CRIM1: variants seen among roughly 807,000 people sequenced by gnomAD.
CRIM1 encodes the protein cysteine rich transmembrane BMP regulator 1.
In CRIM1, 32 loss-of-function variants were observed where a neutral mutation model predicts 116.4. The ratio of observed to expected loss-of-function variants is 0.27; its 90% CI spans 0.21 to 0.37. The LOEUF (loss-of-function observed/expected upper bound fraction) is 0.37, where lower values mean the gene tolerates loss of function less well. Ranked by LOEUF, CRIM1 falls within the 10% of genes least tolerant of loss-of-function variation. The pLI is 1.00. For synonymous variants in CRIM1, 590 were observed against 509.2 expected (o/e 1.16, Z -2.13); for missense variants, 1,331 against 1,354.8 (o/e 0.98, Z 0.28).
intron 2 of CRIM1, among the ~76,000 whole-genome samples, chr2:36,422,449 T>C (rs1448693714): frequency 6.6e-6 from 1 of 152,208 alleles, no homozygotes; most frequent in Non-Finnish European, 1.5e-5. Context: ...AAATCCTGAA[T>C]ATCCAAGATT....
intron 6 of CRIM1, among the ~76,000 whole-genome samples, chr2:36,477,591 G>A (rs1318318773): frequency 1.6e-4 from 25 of 152,198 alleles, no homozygotes; most frequent in Admixed American, 1.4e-3. Flanking sequence ...TTCACATGGG[G>A]TCGTGGTATC....
intron 1 of CRIM1, among the ~76,000 whole-genome samples, chr2:36,357,878 C>G (rs1288592358): frequency 2.0e-5 from 3 of 152,152 alleles, no homozygotes; most frequent in African/African-American, 7.2e-5. Flanking sequence ...TGCTGGGATA[C>G]TGAAAAAGGA....
chr2:36,548,821 C>T lies in CRIM1; in HGVS notation c.*120C>T, dbSNP rs1026605875. ...TATTGGATTGTGACTTGATGTACAGCGCTAAGACCTTACTGGGATGGGCTC... is the reference window on the plus strand; with the variant it reads ...TATTGGATTGTGACTTGATGTACAGTGCTAAGACCTTACTGGGATGGGCTC... On this transcript the variant is annotated 3_prime_UTR_variant, in exon 17 of 17. Coordinates refer to ENST00000280527, the MANE Select transcript of CRIM1 (RefSeq NM_016441.3). 1.7e-4 allele frequency: 128 copies of T among 756,664 alleles called. No individual in the cohort carries two copies. The highest frequency in any genetic ancestry group is 3.1e-4 in the South Asian group (14 of 45,332). 46.9% of individuals were successfully genotyped at this position (756,664 alleles called of 1,614,324 possible).
At chr2:36,469,143 C>G (rs1455124449) in intron 5 of CRIM1, among the ~76,000 whole-genome samples, 1 of 152,104 alleles carries the variant, frequency 6.6e-6, no homozygotes, top group Non-Finnish European at 1.5e-5. Context: ...CTAAACAAGT[C>G]ATCAGCACAA....
chr2:36,450,873 G>A (rs1676662308), intron 4 of CRIM1, among the ~76,000 whole-genome samples: 14 of 152,154 alleles, frequency 9.2e-5, no homozygotes, highest in Admixed American at 9.2e-4. Context: ...TAGAATCTTA[G>A]CAGATTGCTA....
intron 15 of CRIM1, among the ~76,000 whole-genome samples, chr2:36,546,516 TAATTA>T (rs1000971078): frequency 1.3e-5 from 2 of 152,172 alleles, no homozygotes; most frequent in African/African-American, 4.8e-5. Context: ...AGTTTTAATC[TAATTA>T]GTCTTAGCTA....
rs79112337 is a variant in CRIM1, at chr2:36,498,075, C to G, written c.1373-1144C>G. On this transcript the variant is annotated intron_variant, in intron 7 of 16. Transcript: ENST00000280527. ...AATGTAGGTAGAGACATTCTATACTCAGCTCTTTCACAAAGATATTGTGAG... is the reference window on the plus strand; with the variant it reads ...AATGTAGGTAGAGACATTCTATACTGAGCTCTTTCACAAAGATATTGTGAG... Among the ~76,000 whole-genome samples the G allele has an allele frequency of 9.6e-3, 1,469 of 152,312 alleles. 23 individuals are homozygous for G. Among genetic ancestry groups the G allele is most frequent in the African/African-American group, 0.034 (1,413 of 41,558 alleles).
intron 1 of CRIM1, among the ~76,000 whole-genome samples, chr2:36,357,325 G>C (rs959038324): frequency 1.3e-5 from 2 of 152,172 alleles, no homozygotes; most frequent in East Asian, 3.9e-4. Context: ...AAAAGTTGTT[G>C]CTATTAGTGG....
intron 13 of CRIM1, among the ~76,000 whole-genome samples, chr2:36,528,249 T>G (rs1285061315): frequency 1.3e-5 from 2 of 152,208 alleles, no homozygotes; most frequent in African/African-American, 4.8e-5. Context: ...GGATATAACA[T>G]CTCAGTGATG....
intron 1 of CRIM1, among the ~76,000 whole-genome samples, chr2:36,368,128 A>T (rs3770955): frequency 0.58 from 88,864 of 152,060 alleles, 26,531 homozygotes; most frequent in South Asian, 0.66. Flanking sequence ...CTTGCCAGGG[A>T]GTTTCCTTAA....
intron 1 of CRIM1, among the ~76,000 whole-genome samples, chr2:36,390,918 T>G (rs1014306121): frequency 3.3e-5 from 5 of 151,774 alleles, no homozygotes; most frequent in African/African-American, 1.2e-4. Context: ...CAAGCAATTC[T>G]CATGCCTCAG....
intron 6 of CRIM1, 23 bp from the exon 7 acceptor site, chr2:36,479,474 T>C (rs751885910): frequency 1.1e-5 from 18 of 1,612,354 alleles, no homozygotes; most frequent in Non-Finnish European, 1.4e-5. Context: ...TCAGTCTAAC[T>C]CTGAACTCAT....
intron 11 of CRIM1, among the ~76,000 whole-genome samples, chr2:36,516,036 T>G (rs1273402333): frequency 6.6e-6 from 1 of 152,246 alleles, no homozygotes; most frequent in Admixed American, 6.5e-5. Flanking sequence ...AAGCATTGAT[T>G]GATGAGTATC....
At chr2:36,444,252 A>G (rs1676078526) in intron 4 of CRIM1, among the ~76,000 whole-genome samples, 1 of 152,042 alleles carries the variant, frequency 6.6e-6, no homozygotes. Context: ...TTTTTCAGTC[A>G]CTCTAGGGGG....
At chr2:36,466,918 T>G (rs564058395) in intron 5 of CRIM1, among the ~76,000 whole-genome samples, 1 of 152,306 alleles carries the variant, frequency 6.6e-6, no homozygotes, top group East Asian at 1.9e-4. Flanking sequence ...GCCCTTCTTC[T>G]CTCCTTGCTT....
intron 12 of CRIM1, among the ~76,000 whole-genome samples, chr2:36,521,802 A>G (rs1291797950): frequency 6.6e-6 from 1 of 152,236 alleles, no homozygotes; most frequent in East Asian, 1.9e-4. Context: ...ATGCATTGTA[A>G]TCCAAGTCCT....
chr2:36,433,484 C>T (rs1206302758), intron 2 of CRIM1, among the ~76,000 whole-genome samples: 2 of 152,138 alleles, frequency 1.3e-5, no homozygotes, highest in Non-Finnish European at 2.9e-5. Flanking sequence ...TTGGAACATG[C>T]CCTTGGCGAA....
intron 2 of CRIM1, among the ~76,000 whole-genome samples, chr2:36,409,968 GAAT>G (rs1462469829): frequency 1.3e-5 from 2 of 152,214 alleles, no homozygotes; most frequent in Non-Finnish European, 2.9e-5. Context: ...TCTAAGATAA[GAAT>G]AATGGATTCC....
intron 1 of CRIM1, among the ~76,000 whole-genome samples, chr2:36,383,336 T>G (rs1670931475): frequency 6.6e-6 from 1 of 152,268 alleles, no homozygotes; most frequent in African/African-American, 2.4e-5. Context: ...GAAAGTTACC[T>G]GCTTCCTAGT....
Sources: gnomAD v4.1 joint callset for allele counts (sites outside exome capture counted in the v4.1 genomes callset) on GRCh38, gnomAD v4.1.1 for gene constraint, MANE v1.5 for transcripts, NCBI Gene and HGNC (gene_info 2026-07-23, HGNC 2026-07-21) for gene names.